Variants in GNAO1 observed in about 807,000 individuals in gnomAD.
The protein encoded by GNAO1 is guanine nucleotide-binding protein G(o) subunit alpha.
For missense variants in GNAO1, 166 were observed against 478.7 expected, an observed-to-expected ratio of 0.35 and a Z score of 6.10; for synonymous variants, 164 against 180.7, an observed-to-expected ratio of 0.91 and a Z score of 0.74.
intron 2 of GNAO1, chr16:56,213,251 T>C (rs1265973744): frequency 1.3e-5 from 5 of 396,850 alleles, no homozygotes; most frequent in African/African-American, 2.1e-5. Flanking sequence ...TCTTTCTTCT[T>C]TTTTTTTTCC....
chr16:56,306,828 C>T (rs1170048565), intron 3 of GNAO1: 2 of 152,242 alleles, frequency 1.3e-5, no homozygotes, highest in Non-Finnish European at 2.9e-5. Context: ...ACTTCAAAGG[C>T]ACTGCCTACT....
Position 56,351,491 on chromosome 16 carries a change from G to A in GNAO1, c.831G>A (p.Glu277=). Residue 277 remains glutamate (E), a synonymous_variant, in exon 7 of 9, where the codon GAG becomes GAA. Transcript: ENST00000262493. This position sits in a 1 kb window ranked among gnomAD's most constrained non-coding sequence, Gnocchi z 6.1. ...TCAACAAGAAAGATCTCTTTGGCGAGAAGATCAAGAAGTCACCTTTGACCA... is the reference window on the plus strand; with the variant it reads ...TCAACAAGAAAGATCTCTTTGGCGAAAAGATCAAGAAGTCACCTTTGACCA... ...LFLNKKDLFG[E]KIKKSPLTIC... The A allele has an allele frequency of 6.2e-7, 1 of 1,613,324 alleles. No individual in the cohort carries two copies. The highest frequency in any genetic ancestry group is 1.7e-5 in the Admixed American group (1 of 60,020).
intron 6 of GNAO1, among the ~76,000 whole-genome samples, chr16:56,350,884 C>T (rs1204945418): frequency 6.6e-6 from 1 of 152,174 alleles, no homozygotes; most frequent in Admixed American, 6.5e-5. Flanking sequence ...GTCCAGACTC[C>T]CCCAACGCCC....
At chr16:56,348,034 G>A (rs2037889572) in intron 6 of GNAO1, 1 of 980,488 alleles carries the variant, frequency 1.0e-6, no homozygotes, top group Non-Finnish European at 1.2e-6. Flanking sequence ...GAGTGCAGTG[G>A]TCCCACCTCC....
intron 2 of GNAO1, among the ~76,000 whole-genome samples, chr16:56,222,743 G>A (rs547652523): frequency 5.6e-4 from 86 of 152,226 alleles, no homozygotes; most frequent in Middle Eastern, 6.8e-3. Context: ...ACCCAGGGGC[G>A]ACAGATCCTC....
chr16:56,273,051 T>A (rs1209875826), intron 2 of GNAO1, among the ~76,000 whole-genome samples: 3 of 152,258 alleles, frequency 2.0e-5, no homozygotes, highest in African/African-American at 7.2e-5. Flanking sequence ...GTTTACAATG[T>A]GTATCTTGAC....
chr16:56,247,447 G>T (rs142347432), intron 2 of GNAO1, among the ~76,000 whole-genome samples: 37 of 144,044 alleles, frequency 2.6e-4, no homozygotes, highest in Middle Eastern at 4.0e-3. Flanking sequence ...CTCTTGCAGT[G>T]TATCTGACAT....
chr16:56,286,012 G>A, intron 3 of GNAO1, among the ~76,000 whole-genome samples: 1 of 152,194 alleles, frequency 6.6e-6, no homozygotes, highest in East Asian at 1.9e-4. Flanking sequence ...GAGGCGCCAG[G>A]GACTGAGAAA....
chr16:56,332,285 C>T (rs937288466), intron 4 of GNAO1, among the ~76,000 whole-genome samples: 3 of 152,210 alleles, frequency 2.0e-5, no homozygotes, highest in Non-Finnish European at 4.4e-5. Flanking sequence ...CCTCCACCAC[C>T]TTCCCCAGCC....
chr16:56,210,040 C>A (rs777152777), intron 2 of GNAO1, among the ~76,000 whole-genome samples: 43 of 152,138 alleles, frequency 2.8e-4, no homozygotes, highest in Non-Finnish European at 5.0e-4. Flanking sequence ...CCTCTGTGCT[C>A]CACCTGTTCT....
chr16:56,331,328 G>T (rs1445768124), intron 4 of GNAO1, among the ~76,000 whole-genome samples: 1 of 152,206 alleles, frequency 6.6e-6, no homozygotes, highest in African/African-American at 2.4e-5. Flanking sequence ...GGCTGTGAAA[G>T]GTGCTCTGGG....
intron 6 of GNAO1, chr16:56,344,187 C>T: frequency 7.0e-7 from 1 of 1,420,168 alleles, no homozygotes; most frequent in Non-Finnish European, 9.2e-7. Context: ...AGACTCCACG[C>T]TCACAGCCTC....
intron 5 of GNAO1, 109 bp from the exon 6 acceptor site, chr16:56,336,622 C>G: frequency 9.9e-7 from 1 of 1,013,920 alleles, no homozygotes; most frequent in Non-Finnish European, 1.4e-6. Flanking sequence ...TAGCAAGGCT[C>G]TGAGCACCAT....
At chr16:56,346,319 A>T in intron 6 of GNAO1, 4 of 985,416 alleles carry the variant, frequency 4.1e-6, no homozygotes, top group Non-Finnish European at 4.8e-6. Flanking sequence ...GTTGCGAGTG[A>T]CACGTGTGGG....
intron 2 of GNAO1, among the ~76,000 whole-genome samples, chr16:56,265,785 T>G (rs1366452564): frequency 6.6e-6 from 1 of 151,886 alleles, no homozygotes; most frequent in African/African-American, 2.4e-5. Flanking sequence ...ACGAATGTGT[T>G]TTTTTTTAAC....
chr16:56,256,855 T>C (rs1388874241), intron 2 of GNAO1, among the ~76,000 whole-genome samples: 1 of 152,068 alleles, frequency 6.6e-6, no homozygotes, highest in Non-Finnish European at 1.5e-5. Flanking sequence ...GATTAGACAC[T>C]GGACTAGCTT....
intron 2 of GNAO1, 132 bp downstream of exon 2, chr16:56,192,748 A>ACACC (rs1555499825): frequency 1.1e-5 from 7 of 623,882 alleles, no homozygotes; most frequent in Non-Finnish European, 1.8e-5. Flanking sequence ...ACACACACAC[A>ACACC]CACCCCTATA....
intron 6 of GNAO1, among the ~76,000 whole-genome samples, chr16:56,349,870 G>A (rs1243104311): frequency 5.3e-5 from 8 of 152,184 alleles, no homozygotes; most frequent in African/African-American, 7.2e-5. Context: ...AGGACTGGCC[G>A]TAAGACGCAC....
chr16:56,261,301 A>G (rs557299317), intron 2 of GNAO1, among the ~76,000 whole-genome samples: 1 of 152,290 alleles, frequency 6.6e-6, no homozygotes, highest in East Asian at 1.9e-4. Context: ...TGTCTGTTTC[A>G]GAACACTCAC....
Sources: gnomAD v4.1 joint callset for allele counts (sites outside exome capture counted in the v4.1 genomes callset) on GRCh38, gnomAD v4.1.1 for gene constraint, Gnocchi (gnomAD v3.1) non-coding constraint, MANE v1.5 for transcripts, NCBI Gene and HGNC (gene_info 2026-07-23, HGNC 2026-07-21) for gene names.